Variants in SBK1 observed in about 807,000 individuals in gnomAD.
SBK1 encodes the protein serine/threonine-protein kinase SBK1.
SBK1 carries 11 observed loss-of-function variants against 24.4 expected under a neutral mutation model. The observed-to-expected ratio is 0.45, with a 90% CI of 0.28 to 0.75. The LOEUF is 0.75. Among genes scored for constraint, SBK1 ranks in the 30% least tolerant of loss-of-function variants. SBK1 has a pLI of 0.12. For synonymous variants in SBK1, 308 were observed against 284.4 expected, an observed-to-expected ratio of 1.08 and a Z score of -0.83; for missense variants, 467 against 620.5, an observed-to-expected ratio of 0.75 and a Z score of 2.63.
chr16:28,280,149 A>ATGTGTGTGTGTGTGTGTGTGTGTG lies in SBK1; in HGVS notation c.257+20670_257+20671insGTGTGTGTGTGTGTGTGTGTGTGT, dbSNP rs71380914. 1.9e-3 allele frequency among the ~76,000 whole-genome samples: 74 copies of ATGTGTGTGTGTGTGTGTGTGTGTG among 39,320 alleles called. 3 individuals are homozygous for ATGTGTGTGTGTGTGTGTGTGTGTG. The highest frequency in any genetic ancestry group is 3.2e-3 in the Non-Finnish European group (59 of 18,420). 25.8% of individuals were successfully genotyped at this position (39,320 alleles called of 152,430 possible). ...TATATATATATATATATATATATATATGTGTGTGTGTGTGTGTGTGTGTAT... is the reference window on the plus strand; with the variant it reads ...TATATATATATATATATATATATATATGTGTGTGTGTGTGTGTGTGTGTGTGTGTGTGTGTGTGTGTGTGTGTAT... On this transcript the variant is annotated intron_variant, in intron 1 of 3. Coordinates refer to the SBK1 transcript ENST00000671413.
rs529831518 is a variant in SBK1 at position 28,259,867 on chromosome 16, T to C, written c.257+365T>C. Among the ~76,000 whole-genome samples the C allele has an allele frequency of 1.3e-5, 2 of 152,126 alleles. No individual in the cohort carries two copies. Among genetic ancestry groups the C allele is most frequent in the South Asian group, 4.1e-4 (2 of 4,822 alleles). ...CCCACCTCATCTCACTCTGTTCCCC[T>C]ATATTAACCTCCAGTGAAACTCTGC... On this transcript the variant is annotated intron_variant, in intron 1 of 3. Coordinates refer to the SBK1 transcript ENST00000671413. This position sits in a 1 kb window ranked among gnomAD's most constrained non-coding sequence, Gnocchi z 6.0.
chr16:28,289,477 G>A (rs1308188131), upstream of SBK1, among the ~76,000 whole-genome samples: 1 of 152,208 alleles, frequency 6.6e-6, no homozygotes, highest in African/African-American at 2.4e-5. Flanking sequence ...ATCAAAAGCA[G>A]ATGTCAGGCC....
At position 28,320,906 on chromosome 16, in the gene SBK1, C is replaced by T. The variant is rs758759679; in HGVS notation, c.1260C>T (p.Ile420=). 6 of 1,488,178 alleles carry T rather than the reference C, an allele frequency of 4.0e-6. No individual in the cohort carries two copies. The East Asian group carries it at 1.5e-4, about 37-fold the overall frequency. The allele number at this position is 1,488,178 out of a possible 1,614,324, so 92.2% of individuals were successfully genotyped here. ...GGCAGGTGGTGCTGGCCACGGCCAT[C>T]GAGATCTGCGTCTGAGTCGCCTCCG... ...SKGQVVLATA[I]EICV Residue 420 remains isoleucine, a synonymous_variant, in exon 4 of 4, where the codon ATC becomes ATT. Transcript: ENST00000341901. The surrounding 1 kb of genome is among the most constrained non-coding windows in gnomAD (Gnocchi z 8.5).
Position 28,322,920 on chromosome 16 carries a change from CTCTCTCTCTCCCTCTCTCT to C in SBK1, c.*2000_*2018del. 1 of 17,956 alleles carries C rather than the reference CTCTCTCTCTCCCTCTCTCT, an allele frequency of 5.6e-5. No individual in the cohort carries two copies. The highest frequency in any genetic ancestry group is 1.1e-3 in the East Asian group (1 of 912). 1.1% of individuals were successfully genotyped at this position (17,956 alleles called of 1,614,324 possible). A position where few individuals can be genotyped will look rare whatever the true frequency, so the allele number is the denominator to read the frequency against. ...GTGCTCGCTCTCTCTCTCGCGCGCGCTCTCTCTCTCCCTCTCTCTCTCTCTCTCTCTCTCTCTCTCTCTC... is the reference window on the plus strand; with the variant it reads ...GTGCTCGCTCTCTCTCTCGCGCGCGCCTCTCTCTCTCTCTCTCTCTCTCTC... On this transcript the variant is annotated 3_prime_UTR_variant, in exon 4 of 4. Transcript: ENST00000341901.
At chr16:28,266,515 A>T (rs2044429187) in intron 1 of SBK1, among the ~76,000 whole-genome samples, 1 of 152,134 alleles carries the variant, frequency 6.6e-6, no homozygotes, top group African/African-American at 2.4e-5. Flanking sequence ...TTATATGTCA[A>T]AACTGACACA....
chr16:28,282,939 G>C (rs2044542693), intron 1 of SBK1, among the ~76,000 whole-genome samples: 1 of 152,042 alleles, frequency 6.6e-6, no homozygotes, highest in Non-Finnish European at 1.5e-5. Flanking sequence ...TTGTTTGTTT[G>C]TTTGTTTGTT....
chr16:28,283,541 G>T (rs1382145542), intron 1 of SBK1, among the ~76,000 whole-genome samples: 2 of 152,144 alleles, frequency 1.3e-5, no homozygotes, highest in Admixed American at 6.6e-5. Flanking sequence ...CTGGCTCAGG[G>T]AACAGACCAA....
chr16:28,298,242 A>T (rs1408313411), intron 1 of SBK1, among the ~76,000 whole-genome samples: 1 of 152,186 alleles, frequency 6.6e-6, no homozygotes, highest in Admixed American at 6.5e-5. Flanking sequence ...ATACCTGGAG[A>T]GAGGACAGGT....
In SBK1 at chr16:28,321,127, G is replaced by T. The variant is rs1467718627; in HGVS notation, c.*206G>T. 2.2e-5 allele frequency: 9 copies of T among 414,428 alleles called. 1 individual carries two copies. The highest frequency in any genetic ancestry group is 1.1e-4 in the African/African-American group (5 of 45,818). The allele number at this position is 414,428 out of a possible 1,614,324, so 25.7% of individuals were successfully genotyped here. The stretch of plus-strand genomic sequence containing the variant: ...CCCTAGCGCGGCCTGGTGAGCGGGG[G>T]CTTGGCCCAGAGGAGCCAAGCCGCA... On this transcript the variant is annotated 3_prime_UTR_variant, in exon 4 of 4. Coordinates refer to ENST00000341901, the MANE Select transcript of SBK1 (RefSeq NM_001024401.3).
In SBK1 at chr16:28,321,214, CACACACACACACACACA is replaced by C; in HGVS notation, c.*294_*310del. On this transcript the variant is annotated 3_prime_UTR_variant, in exon 4 of 4. Coordinates refer to ENST00000341901, the MANE Select transcript of SBK1 (RefSeq NM_001024401.3). Reference sequence around the variant, plus strand: ...ACACACACACACACACACACACACACACACACACACACACACACACACACGCCAGGAGCAAGGGAGCT... The same window carrying C: ...ACACACACACACACACACACACACACCACACACGCCAGGAGCAAGGGAGCT... 2 of 191,544 alleles carry C rather than the reference CACACACACACACACACA, an allele frequency of 1.0e-5. No individual in the cohort carries two copies. The highest frequency in any genetic ancestry group is 1.1e-5 in the Non-Finnish European group (1 of 94,666). The allele number at this position is 191,544 out of a possible 1,614,324, so 11.9% of individuals were successfully genotyped here. A position where few individuals can be genotyped will look rare whatever the true frequency, so the allele number is the denominator to read the frequency against.
chr16:28,292,883 G>C lies in SBK1; in HGVS notation c.-425G>C, dbSNP rs1018592700. 5 of 980,698 alleles carry C rather than the reference G, an allele frequency of 5.1e-6. No homozygotes were observed. The highest frequency in any genetic ancestry group is 6.1e-6 in the Non-Finnish European group (5 of 826,092). The allele number at this position is 980,698 out of a possible 1,614,324, so 60.7% of individuals were successfully genotyped here. ...ATTTAGAAGACAGCAAGCCCCCTAC[G>C]GCACCGCAAGGACTCCCCCTCCTCA... On this transcript the variant is annotated 5_prime_UTR_variant, in exon 1 of 4. Transcript: ENST00000341901.
At chr16:28,299,648 A>C in intron 1 of SBK1, among the ~76,000 whole-genome samples, 1 of 150,014 alleles carries the variant, frequency 6.7e-6, no homozygotes, top group African/African-American at 2.5e-5. Flanking sequence ...CCTCAGCCCC[A>C]CTCCAAGAAC....
rs1259491051 is a variant in SBK1, at chr16:28,316,856, G to C, written c.-7-529G>C. Among the ~76,000 whole-genome samples the C allele has an allele frequency of 2.3e-4, 35 of 152,140 alleles. 1 individual carries two copies. Among genetic ancestry groups the C allele is most frequent in the Admixed American group, 2.3e-3 (35 of 15,276 alleles). On this transcript the variant is annotated intron_variant, in intron 1 of 3. Transcript: ENST00000341901. ...ATTGCGCCACTGCACTCCAGCCTGG[G>C]TGACAGAGCAAGACCCTGTCTCAGA... is the stretch of plus-strand genomic sequence containing the variant.
intron 1 of SBK1, among the ~76,000 whole-genome samples, chr16:28,281,939 T>A (rs190332829): frequency 5.9e-5 from 9 of 152,178 alleles, no homozygotes; most frequent in Non-Finnish European, 7.4e-5. Context: ...AAAAGTGGGC[T>A]GGAAGGATTC....
intron 1 of SBK1, among the ~76,000 whole-genome samples, chr16:28,284,730 A>G (rs1344408729): frequency 6.6e-6 from 1 of 152,198 alleles, no homozygotes; most frequent in Non-Finnish European, 1.5e-5. Context: ...ACTTGAGGTC[A>G]GGAGTTCGAG....
rs138273463 is a variant in SBK1, at chr16:28,269,483, G to C, written c.257+9981G>C. On this transcript the variant is annotated intron_variant, in intron 1 of 3. Transcript: ENST00000671413. The stretch of plus-strand genomic sequence containing the variant: ...AGCTCCAGAAAGACAGTAGAGAGGA[G>C]AGGAAATAGTCAAAAAAATGTTTCC... Among the ~76,000 whole-genome samples, 84 of 152,234 alleles carry C rather than the reference G, an allele frequency of 5.5e-4. No homozygotes were observed. In the East Asian group the frequency reaches 7.1e-3, roughly 13 times the overall value.
Position 28,317,490 on chromosome 16 carries a change from TGAA to T in SBK1, c.102_104del (p.Glu34del). 1.9e-6 allele frequency: 3 copies of T among 1,614,120 alleles called. No individual in the cohort carries two copies. Among genetic ancestry groups the T allele is most frequent in the Non-Finnish European group, 2.5e-6 (3 of 1,180,010 alleles). ...CTGGTGCCGGTGTGCCCCTTCTCAC[TGAA>T]GACATGCAGGCCCTGACTCTCCGCA... On this transcript the variant is annotated inframe_deletion, in exon 2 of 4. Transcript: ENST00000341901. This position sits in a 1 kb window ranked among gnomAD's most constrained non-coding sequence, Gnocchi z 4.2.
intron 1 of SBK1, among the ~76,000 whole-genome samples, chr16:28,315,919 C>T (rs1311625589): frequency 3.9e-5 from 6 of 152,140 alleles, no homozygotes; most frequent in Non-Finnish European, 8.8e-5. Flanking sequence ...GCGTGCATCA[C>T]CATGCCCAAC....
chr16:28,320,726 C>T lies in SBK1; in HGVS notation c.1080C>T (p.Gly360=). The part of the protein sequence containing the change: ...PLKRTVLTES[G]SGSRPAPPAV... Reference sequence around the variant, plus strand: ...AGCGGACGGTGCTGACCGAGAGCGGCAGCGGCTCCCGGCCCGCGCCCCCCG... The same window carrying T: ...AGCGGACGGTGCTGACCGAGAGCGGTAGCGGCTCCCGGCCCGCGCCCCCCG... Residue 360 remains glycine, a synonymous_variant, in exon 4 of 4, where the codon GGC becomes GGT. Transcript: ENST00000341901. This position sits in a 1 kb window ranked among gnomAD's most constrained non-coding sequence, Gnocchi z 8.5. 8.6e-7 allele frequency: 1 copy of T among 1,158,816 alleles called. No individual in the cohort carries two copies. Among genetic ancestry groups the T allele is most frequent in the Non-Finnish European group, 1.1e-6 (1 of 937,190 alleles). 71.8% of individuals were successfully genotyped at this position (1,158,816 alleles called of 1,614,324 possible). A position where few individuals can be genotyped will look rare whatever the true frequency, so the allele number is the denominator to read the frequency against.
Sources: gnomAD v4.1 joint callset for allele counts (sites outside exome capture counted in the v4.1 genomes callset) on GRCh38, gnomAD v4.1.1 for gene constraint, Gnocchi (gnomAD v3.1) non-coding constraint, MANE v1.5 for transcripts, NCBI Gene and HGNC (gene_info 2026-07-23, HGNC 2026-07-21) for gene names.